Variants in ABI3BP observed in about 807,000 individuals in gnomAD.
ABI3BP encodes ABI family member 3 binding protein, also known as target of Nesh-SH3.
In ABI3BP, 216 loss-of-function variants were observed where a neutral mutation model predicts 268.6. The ratio of observed to expected loss-of-function variants is 0.80; its 90% CI spans 0.72 to 0.90. The LOEUF (loss-of-function observed/expected upper bound fraction) is 0.90. Ranked by LOEUF, ABI3BP falls within the 40% of genes least tolerant of loss-of-function variation. The pLI is 0.00. For missense variants in ABI3BP, 2,090 were observed against 2,182.4 expected, an observed-to-expected ratio of 0.96 and a Z score of 0.84; for synonymous variants, 730 against 730.0, an observed-to-expected ratio of 1.00 and a Z score of 0.00.
intron 32 of ABI3BP, among the ~76,000 whole-genome samples, chr3:100,829,880 A>AGCTTC (rs984708761): frequency 5.9e-5 from 9 of 151,658 alleles, no homozygotes; most frequent in African/African-American, 2.2e-4. Flanking sequence ...TATTTCAAGG[A>AGCTTC]GCTTCTCACA....
intron 9 of ABI3BP, among the ~76,000 whole-genome samples, chr3:100,868,692 G>T (rs1206209310): frequency 6.6e-6 from 1 of 152,200 alleles, no homozygotes; most frequent in African/African-American, 2.4e-5. Context: ...TGTCATAAAT[G>T]ATAATTTGCA....
intron 20 of ABI3BP, among the ~76,000 whole-genome samples, chr3:100,842,444 T>C (rs529782460): frequency 2.0e-5 from 3 of 152,274 alleles, no homozygotes; most frequent in Non-Finnish European, 2.9e-5. Context: ...TGCTGTTAGT[T>C]TGCAATCTCC....
intron 3 of ABI3BP, among the ~76,000 whole-genome samples, chr3:100,902,299 T>C (rs1047121839): frequency 6.6e-6 from 1 of 152,194 alleles, no homozygotes; most frequent in South Asian, 2.1e-4. Flanking sequence ...GAGCACTGAC[T>C]ACAGGCCAGG....
chr3:100,870,619 T>C (rs1257775249), intron 9 of ABI3BP, among the ~76,000 whole-genome samples: 1 of 152,172 alleles, frequency 6.6e-6, no homozygotes, highest in Non-Finnish European at 1.5e-5. Context: ...GGTGCAGCTA[T>C]TATAGAAAAT....
intron 1 of ABI3BP, among the ~76,000 whole-genome samples, chr3:100,961,399 C>A (rs573345375): frequency 2.0e-5 from 3 of 152,088 alleles, no homozygotes; most frequent in Non-Finnish European, 4.4e-5. Flanking sequence ...TGAGGTTGAC[C>A]GCAATAAACC....
At position 100,821,143 on chromosome 3, in the gene ABI3BP, G is replaced by C. The variant is rs975346959; in HGVS notation, c.2888-30C>G. 3 of 1,522,188 alleles carry C rather than the reference G, an allele frequency of 2.0e-6. No individual in the cohort carries two copies. In the East Asian group the frequency reaches 7.4e-5, roughly 37 times the overall value. 94.3% of individuals were successfully genotyped at this position (1,522,188 alleles called of 1,614,324 possible). ...TCAAAAGCATTAAAATTAACCAAATGATTATTTTAAATGAATGTAAACTCA... is the reference window on the plus strand; with the variant it reads ...TCAAAAGCATTAAAATTAACCAAATCATTATTTTAAATGAATGTAAACTCA... On this transcript the variant is annotated intron_variant, in intron 38 of 67. Coordinates refer to ENST00000471714, the MANE Select transcript of ABI3BP (RefSeq NM_001375547.2).
chr3:100,866,877 A>G lies in ABI3BP; in HGVS notation c.988+2T>C. ...AGGTCAACAACATAGCGATCTCATT[A>G]CCTGTTGTGGGTCGTGCTGAGATTT... On this transcript the variant is annotated splice_donor_variant, in intron 10 of 67. Coordinates refer to ENST00000471714, the MANE Select transcript of ABI3BP (RefSeq NM_001375547.2). LOFTEE classifies it high-confidence loss of function. 6.2e-7 allele frequency: 1 copy of G among 1,612,938 alleles called. No individual in the cohort carries two copies. The highest frequency in any genetic ancestry group is 8.5e-7 in the Non-Finnish European group (1 of 1,179,072).
At chr3:100,829,825 T>TTTC (rs2098453735) in intron 32 of ABI3BP, among the ~76,000 whole-genome samples, 161 bp from the exon 33 acceptor site, 1 of 151,980 alleles carries the variant, frequency 6.6e-6, no homozygotes, top group African/African-American at 2.4e-5. Context: ...CATGTAGCTT[T>TTTC]TTCTGAAGAA....
At chr3:100,861,473 AT>A (rs2098997831) in intron 14 of ABI3BP, among the ~76,000 whole-genome samples, 2 of 152,184 alleles carry the variant, frequency 1.3e-5, no homozygotes, top group Admixed American at 6.5e-5. Context: ...CAACTAGAAG[AT>A]TTACAAAAAT....
chr3:100,793,522 T>C (rs1234883399), intron 54 of ABI3BP, among the ~76,000 whole-genome samples: 1 of 151,958 alleles, frequency 6.6e-6, no homozygotes, highest in Admixed American at 6.6e-5. Context: ...ATTAGAAAAA[T>C]AGGGAGTAGA....
chr3:100,839,744 C>T, intron 23 of ABI3BP, 128 bp from the exon 24 acceptor site: 2 of 1,035,948 alleles, frequency 1.9e-6, no homozygotes, highest in South Asian at 1.4e-5. Flanking sequence ...TTCCCTTTTA[C>T]AGTTCCCATT....
At chr3:100,976,191 A>C (rs1478816125) in intron 1 of ABI3BP, among the ~76,000 whole-genome samples, 1 of 152,196 alleles carries the variant, frequency 6.6e-6, no homozygotes, top group Non-Finnish European at 1.5e-5. Flanking sequence ...CCTCATTTAT[A>C]AATATGCTGC....
intron 51 of ABI3BP, 51 bp from the exon 52 acceptor site, chr3:100,796,519 A>G: frequency 7.2e-7 from 1 of 1,395,586 alleles, no homozygotes; most frequent in South Asian, 1.4e-5. Context: ...ACCCAACTGG[A>G]GTGAGCTTAA....
At chr3:100,753,209 G>T (rs1367843964) in intron 65 of ABI3BP, among the ~76,000 whole-genome samples, 1 of 152,100 alleles carries the variant, frequency 6.6e-6, no homozygotes, top group Admixed American at 6.6e-5. Context: ...TCATTTAGGA[G>T]CAAATTTAGG....
chr3:100,901,630 G>C (rs1357371271), intron 3 of ABI3BP, among the ~76,000 whole-genome samples: 1 of 152,018 alleles, frequency 6.6e-6, no homozygotes, highest in Non-Finnish European at 1.5e-5. Flanking sequence ...GCCGGGCCTG[G>C]TGGTGGGCGC....
chr3:100,952,577 T>C, intron 1 of ABI3BP: 1 of 152,158 alleles, frequency 6.6e-6, no homozygotes, highest in East Asian at 1.9e-4. Flanking sequence ...ACATTTAGAT[T>C]TCATTTAAAT....
intron 58 of ABI3BP, among the ~76,000 whole-genome samples, chr3:100,779,928 C>T (rs1052816413): frequency 6.6e-6 from 1 of 152,134 alleles, no homozygotes; most frequent in Non-Finnish European, 1.5e-5. Context: ...CCTATTAATA[C>T]TTAATTTGTG....
At chr3:100,846,029 A>G (rs1034104729) in intron 20 of ABI3BP, among the ~76,000 whole-genome samples, 5 of 152,160 alleles carry the variant, frequency 3.3e-5, no homozygotes, top group African/African-American at 1.2e-4. Context: ...AGATAGAAAC[A>G]CTTCTCCCCT....
intron 31 of ABI3BP, among the ~76,000 whole-genome samples, chr3:100,831,029 A>T (rs1224424346): frequency 6.6e-6 from 1 of 152,224 alleles, no homozygotes; most frequent in Non-Finnish European, 1.5e-5. Flanking sequence ...GTAATCAATA[A>T]TGATAGATAG....
Sources: gnomAD v4.1 joint callset for allele counts (sites outside exome capture counted in the v4.1 genomes callset) on GRCh38, gnomAD v4.1.1 for gene constraint, MANE v1.5 for transcripts, NCBI Gene and HGNC (gene_info 2026-07-23, HGNC 2026-07-21) for gene names.